The following RBM6 variants were observed in gnomAD, a reference collection of about 807,000 sequenced individuals.
RBM6 encodes RNA binding motif protein 6, also known as RNA-binding protein 6.
In RBM6, 23 loss-of-function variants were observed where a neutral mutation model predicts 140.4. The observed-to-expected ratio is 0.16, with a 90% CI of 0.12 to 0.23. The LOEUF (loss-of-function observed/expected upper bound fraction) is 0.23, where lower values mean the gene tolerates loss of function less well. Among genes scored for constraint, RBM6 ranks in the 10% least tolerant of loss-of-function variants. The pLI, the probability that RBM6 is intolerant of heterozygous loss-of-function variation, is 1.00. For missense variants in RBM6, 1,139 were observed against 1,386.7 expected (o/e 0.82, Z 2.84); for synonymous variants, 439 against 475.6 (o/e 0.92, Z 1.00).
chr3:49,990,642 C>T (rs971531951), intron 5 of RBM6, among the ~76,000 whole-genome samples: 26 of 152,128 alleles, frequency 1.7e-4, no homozygotes, highest in Non-Finnish European at 2.6e-4. Flanking sequence ...GATGTACATA[C>T]GTATTTATCA....
chr3:50,022,531 T>C (rs987381272), intron 6 of RBM6, among the ~76,000 whole-genome samples: 1 of 152,120 alleles, frequency 6.6e-6, no homozygotes, highest in African/African-American at 2.4e-5. Flanking sequence ...GGTTTCTCCA[T>C]GTTGGTCAGG....
chr3:49,950,709 C>T (rs960912451), intron 1 of RBM6, among the ~76,000 whole-genome samples: 1 of 150,686 alleles, frequency 6.6e-6, no homozygotes, highest in Admixed American at 6.6e-5. Flanking sequence ...AAGCTGAGAT[C>T]ATGTCACTGT....
intron 1 of RBM6, among the ~76,000 whole-genome samples, chr3:49,961,238 T>A (rs1031619550): frequency 2.6e-5 from 4 of 152,050 alleles, no homozygotes; most frequent in African/African-American, 9.7e-5. Context: ...CCACCACACC[T>A]GGCTAATTTT....
intron 6 of RBM6, among the ~76,000 whole-genome samples, chr3:50,034,346 T>C (rs965088822): frequency 7.2e-5 from 11 of 152,334 alleles, no homozygotes; most frequent in Admixed American, 2.6e-4. Context: ...TTGTTCATTG[T>C]ACATGCTCAC....
chr3:49,999,563 A>T, intron 6 of RBM6, 50 bp downstream of exon 6: 1 of 1,418,836 alleles, frequency 7.0e-7, no homozygotes, highest in Non-Finnish European at 1.0e-6. Context: ...ATTTTTTTAT[A>T]TATGGGGAGG....
At chr3:50,036,845 G>A (rs2088565108) in intron 6 of RBM6, among the ~76,000 whole-genome samples, 2 of 151,982 alleles carry the variant, frequency 1.3e-5, no homozygotes, top group Admixed American at 1.3e-4. Flanking sequence ...GCAGTGGCGC[G>A]ATCTTGGCTC....
In RBM6 at chr3:50,066,345, G is replaced by A. The variant is rs1417066514; in HGVS notation, c.2786G>A (p.Arg929His). Residue 929 changes from arginine (R) to histidine (H), a missense_variant, in exon 17 of 21, where the codon CGC (arginine) becomes CAC (histidine). Arg to His is a conservative substitution (Grantham distance 29). Transcript: ENST00000266022. Reference protein sequence around the residue: ...EEEQTPPPQPRTAQPQKREEQ... With the variant: ...EEEQTPPPQPHTAQPQKREEQ... ...GAACAGACCCCTCCCCCACAGCCCC[G>A]CACAGCACAGCCCCAGAAGCGAGAG... 7.4e-6 allele frequency: 12 copies of A among 1,614,006 alleles called. No individual in the cohort carries two copies. Among genetic ancestry groups the A allele is most frequent in the East Asian group, 4.5e-5 (2 of 44,880 alleles).
At chr3:50,076,407 C>T (rs992431724) in intron 20 of RBM6, among the ~76,000 whole-genome samples, 4 of 150,006 alleles carry the variant, frequency 2.7e-5, no homozygotes, top group Admixed American at 1.3e-4. Flanking sequence ...ATGATGAAAC[C>T]CCTGTCTCTA....
At chr3:49,955,775 G>A (rs2083953448) in intron 1 of RBM6, among the ~76,000 whole-genome samples, 1 of 151,580 alleles carries the variant, frequency 6.6e-6, no homozygotes. Flanking sequence ...CTTGAGAGGC[G>A]GTGGTTGCAG....
intron 6 of RBM6, among the ~76,000 whole-genome samples, chr3:50,043,563 T>A (rs1411159495): frequency 6.6e-6 from 1 of 151,776 alleles, no homozygotes; most frequent in East Asian, 1.9e-4. Flanking sequence ...CATATATGTA[T>A]GTACACACAT....
At chr3:50,076,264 C>T (rs147916776) in intron 20 of RBM6, among the ~76,000 whole-genome samples, 9 of 151,446 alleles carry the variant, frequency 5.9e-5, no homozygotes, top group Non-Finnish European at 7.4e-5. Flanking sequence ...CCACTGTGCC[C>T]GGCCAAAAGA....
chr3:50,060,365 G>A (rs1481157276), intron 11 of RBM6, among the ~76,000 whole-genome samples: 1 of 152,100 alleles, frequency 6.6e-6, no homozygotes, highest in Non-Finnish European at 1.5e-5. Flanking sequence ...CCATGTCAGA[G>A]AAACAGGCTT....
chr3:49,991,233 T>G (rs2085805654), intron 5 of RBM6, among the ~76,000 whole-genome samples: 1 of 152,044 alleles, frequency 6.6e-6, no homozygotes, highest in African/African-American at 2.4e-5. Context: ...AGTGTAGGAG[T>G]CTCTGTCCTG....
chr3:50,000,350 T>C (rs557185566), intron 6 of RBM6, among the ~76,000 whole-genome samples: 139 of 150,600 alleles, frequency 9.2e-4, no homozygotes, highest in East Asian at 6.2e-3. Flanking sequence ...TTTTTTCTTT[T>C]TTTTTTTTTT....
intron 1 of RBM6, among the ~76,000 whole-genome samples, chr3:49,949,545 A>T (rs1288751913): frequency 6.6e-6 from 1 of 152,086 alleles, no homozygotes; most frequent in East Asian, 1.9e-4. Flanking sequence ...GGCGCCTGTC[A>T]CCATGCCCTG....
At position 50,048,362 on chromosome 3, in the gene RBM6, A is replaced by C. The variant is rs770398752; in HGVS notation, c.1632+43A>C. On this transcript the variant is annotated intron_variant, in intron 7 of 20. Coordinates refer to ENST00000266022, the MANE Select transcript of RBM6 (RefSeq NM_005777.3). ...CTTTCTTTAGAAGTAAGTATCTGGA[A>C]TAACAGCTCCTCCATATCTCTAGGA... 4.4e-6 allele frequency: 7 copies of C among 1,593,346 alleles called. No homozygotes were observed. The East Asian group carries it at 1.6e-4, about 36-fold the overall frequency.
intron 8 of RBM6, among the ~76,000 whole-genome samples, chr3:50,056,135 T>C (rs1295049167): frequency 6.6e-6 from 1 of 152,114 alleles, no homozygotes; most frequent in Non-Finnish European, 1.5e-5. Flanking sequence ...GAAGGCTGTG[T>C]ATGTTCTAGA....
intron 6 of RBM6, among the ~76,000 whole-genome samples, chr3:50,038,172 G>A (rs530336999): frequency 6.6e-6 from 1 of 152,090 alleles, no homozygotes; most frequent in African/African-American, 2.4e-5. Flanking sequence ...CTGGTTCTTT[G>A]GGGATGCCTG....
At chr3:49,992,388 T>TA (rs759978683) in intron 5 of RBM6, among the ~76,000 whole-genome samples, 1 of 152,168 alleles carries the variant, frequency 6.6e-6, no homozygotes, top group Non-Finnish European at 1.5e-5. Context: ...AGGCAGCAGA[T>TA]ATGTTGTTAG....
Sources: allele counts gnomAD v4.1 joint callset (sites outside exome capture counted in the v4.1 genomes callset), GRCh38; gene constraint gnomAD v4.1.1; transcripts MANE v1.5; gene names NCBI Gene and HGNC (gene_info 2026-07-23, HGNC 2026-07-21).